SAMD4A: variants seen among roughly 807,000 people sequenced by gnomAD.
The protein encoded by SAMD4A is protein Smaug homolog 1.
Under a neutral mutation model 81.3 loss-of-function variants are expected in SAMD4A, and 33 were observed. That is an observed-to-expected ratio of 0.41 (90% confidence interval 0.31 to 0.54). The LOEUF (loss-of-function observed/expected upper bound fraction) is 0.54. Among genes scored for constraint, SAMD4A ranks in the 20% least tolerant of loss-of-function variants. The pLI is 0.37. For missense variants in SAMD4A, 854 were observed against 951.1 expected (o/e 0.90, Z 1.34); for synonymous variants, 389 against 382.1 (o/e 1.02, Z -0.21).
At chr14:54,706,786 G>A (rs1477678717) in intron 3 of SAMD4A, among the ~76,000 whole-genome samples, 1 of 152,028 alleles carries the variant, frequency 6.6e-6, no homozygotes, top group Admixed American at 6.6e-5. Context: ...GCAAGATGGA[G>A]GACAGTGAAG....
chr14:54,604,982 G>A (rs1463534078), intron 2 of SAMD4A, among the ~76,000 whole-genome samples: 2 of 152,074 alleles, frequency 1.3e-5, no homozygotes, highest in Non-Finnish European at 2.9e-5. Context: ...AAGTGAGAGT[G>A]GCTCAGCCAT....
intron 6 of SAMD4A, among the ~76,000 whole-genome samples, chr14:54,755,504 A>C (rs1594900701): frequency 6.6e-6 from 1 of 152,190 alleles, no homozygotes; most frequent in Admixed American, 6.5e-5. Context: ...GGGCTGAACA[A>C]TAACACAGGC....
rs2025131 is a variant in SAMD4A at position 54,785,218 on chromosome 14, C to T, written c.2128+598C>T. ...ACAGGTTGAGTTAGAGGCGCCTGCACGTCCACTGCCCAAGCCCAGAATGGG... is the reference window on the plus strand; with the variant it reads ...ACAGGTTGAGTTAGAGGCGCCTGCATGTCCACTGCCCAAGCCCAGAATGGG... On this transcript the variant is annotated intron_variant, in intron 12 of 12. Coordinates refer to ENST00000554335, the MANE Select transcript of SAMD4A (RefSeq NM_015589.6). 4.4e-3 allele frequency among the ~76,000 whole-genome samples: 674 copies of T among 152,356 alleles called. 2 individuals carry two copies. Among genetic ancestry groups the T allele is most frequent in the Non-Finnish European group, 7.3e-3 (498 of 68,034 alleles).
chr14:54,726,839 G>C (rs2037426949), intron 3 of SAMD4A, among the ~76,000 whole-genome samples: 1 of 152,110 alleles, frequency 6.6e-6, no homozygotes, highest in South Asian at 2.1e-4. Flanking sequence ...GGAGAAAACT[G>C]TGGTAGGTCA....
chr14:54,756,201 G>A (rs1051157992), intron 6 of SAMD4A, among the ~76,000 whole-genome samples: 1 of 152,120 alleles, frequency 6.6e-6, no homozygotes, highest in African/African-American at 2.4e-5. Context: ...GGTGGATTTG[G>A]CCCTTACAGC....
intron 3 of SAMD4A, among the ~76,000 whole-genome samples, chr14:54,717,546 C>G (rs369698922): frequency 6.6e-6 from 1 of 152,020 alleles, no homozygotes; most frequent in East Asian, 1.9e-4. Flanking sequence ...ATGTTACATC[C>G]AAGTATTAAT....
chr14:54,750,735 A>G (rs945844848), intron 5 of SAMD4A, among the ~76,000 whole-genome samples: 1 of 152,192 alleles, frequency 6.6e-6, no homozygotes, highest in Non-Finnish European at 1.5e-5. Flanking sequence ...AAAGCCATGA[A>G]TATCTATATG....
rs1202950231 is a variant in SAMD4A at position 54,577,605 on chromosome 14, T to G, written c.196+9493T>G. Among the ~76,000 whole-genome samples, 3 of 152,192 alleles carry G rather than the reference T, an allele frequency of 2.0e-5. No individual in the cohort carries two copies. The East Asian group carries it at 5.8e-4, about 29-fold the overall frequency. ...GGCTTTTAGCACACTTACAACTTCATATGAATAATGTCACAATGTGGTTGC... is the reference window on the plus strand; with the variant it reads ...GGCTTTTAGCACACTTACAACTTCAGATGAATAATGTCACAATGTGGTTGC... On this transcript the variant is annotated intron_variant, in intron 2 of 12. Coordinates refer to ENST00000554335, the MANE Select transcript of SAMD4A (RefSeq NM_015589.6).
intron 9 of SAMD4A, among the ~76,000 whole-genome samples, chr14:54,772,360 A>T (rs2038727817): frequency 6.6e-6 from 1 of 152,218 alleles, no homozygotes; most frequent in South Asian, 2.1e-4. Flanking sequence ...GATCTTAAGT[A>T]ACCCAAGCAT....
At chr14:54,625,777 G>A (rs765163184) in intron 2 of SAMD4A, among the ~76,000 whole-genome samples, 3 of 152,122 alleles carry the variant, frequency 2.0e-5, no homozygotes, top group Non-Finnish European at 4.4e-5. Context: ...TGCTCACGGG[G>A]CATGTTCAGC....
intron 2 of SAMD4A, among the ~76,000 whole-genome samples, chr14:54,599,308 A>G (rs1243460917): frequency 1.3e-5 from 2 of 152,246 alleles, no homozygotes; most frequent in Non-Finnish European, 2.9e-5. Context: ...AAGATTATAT[A>G]TAACCCAACA....
Position 54,748,910 on chromosome 14 carries a change from C to A in SAMD4A, c.1075C>A (p.Gln359Lys), listed in dbSNP as rs745962448. 5.2e-6 allele frequency: 8 copies of A among 1,552,932 alleles called. No homozygotes were observed. The South Asian group carries it at 9.5e-5, about 18-fold the overall frequency. ...GGAGATGATGGCCCTCACCGAGTGC[C>A]AGCTGGAGGCGCAGGTATGTGCTTG... ...YEEMMALTECQLEAQNVTKGA... is the reference protein window; with the variant it reads ...YEEMMALTECKLEAQNVTKGA... Residue 359 changes from glutamine to lysine, a missense_variant, in exon 5 of 13, where the codon CAG becomes AAG. By Grantham distance (53) the Gln-to-Lys change is moderately conservative. Around this residue, in one of 3 missense-constraint regions of SAMD4A, gnomAD observed 39 missense variants for 74.1 expected, o/e 0.53. Transcript: ENST00000554335.
intron 2 of SAMD4A, among the ~76,000 whole-genome samples, chr14:54,676,046 A>T (rs1167188264): frequency 6.6e-6 from 1 of 152,226 alleles, no homozygotes; most frequent in African/African-American, 2.4e-5. Flanking sequence ...TAAACATTAG[A>T]GGCCAAATCC....
At chr14:54,756,848 G>A (rs1282995150) in intron 6 of SAMD4A, among the ~76,000 whole-genome samples, 2 of 152,220 alleles carry the variant, frequency 1.3e-5, no homozygotes, top group Non-Finnish European at 2.9e-5. Context: ...AAGTCAGGAA[G>A]TAATTTCCTT....
intron 2 of SAMD4A, among the ~76,000 whole-genome samples, chr14:54,614,560 C>T (rs2034445438): frequency 1.3e-5 from 2 of 152,190 alleles, no homozygotes; most frequent in Non-Finnish European, 2.9e-5. Flanking sequence ...CCTCTTCTTT[C>T]TTCTGTGCCA....
At chr14:54,572,170 T>C (rs776756924) in intron 2 of SAMD4A, among the ~76,000 whole-genome samples, 1 of 152,054 alleles carries the variant, frequency 6.6e-6, no homozygotes, top group Non-Finnish European at 1.5e-5. Flanking sequence ...ACTCTTAGTG[T>C]GGGGTAAATG....
At chr14:54,784,278 C>T in intron 11 of SAMD4A, 1 of 1,357,182 alleles carries the variant, frequency 7.4e-7, no homozygotes, top group South Asian at 1.3e-5. Context: ...CTGGAGGGTT[C>T]TGAGCAGAGG....
intron 4 of SAMD4A, among the ~76,000 whole-genome samples, chr14:54,742,667 C>A (rs1027783962): frequency 7.9e-5 from 12 of 152,126 alleles, no homozygotes; most frequent in Non-Finnish European, 8.8e-5. Flanking sequence ...TCTCTTGCTG[C>A]GAGCTTCAGC....
At chr14:54,616,820 G>A (rs936375697) in intron 2 of SAMD4A, among the ~76,000 whole-genome samples, 2 of 152,230 alleles carry the variant, frequency 1.3e-5, no homozygotes, top group Admixed American at 6.5e-5. Context: ...TTCTGAAGTA[G>A]CAATGTACGT....
Sources: allele counts gnomAD v4.1 joint callset (sites outside exome capture counted in the v4.1 genomes callset), GRCh38; gene constraint gnomAD v4.1.1; regional missense constraint gnomAD v4.1.1; transcripts MANE v1.5; gene names NCBI Gene and HGNC (gene_info 2026-07-23, HGNC 2026-07-21).